The following COQ3 variants were observed in gnomAD, a reference collection of about 807,000 sequenced individuals.
The protein encoded by COQ3 is coenzyme Q3, methyltransferase.
COQ3 carries 29 observed loss-of-function variants against 33.1 expected under a neutral mutation model. The ratio of observed to expected loss-of-function variants is 0.88; its 90% CI spans 0.65 to 1.19. The LOEUF (loss-of-function observed/expected upper bound fraction) is 1.19. COQ3 is among the 50% of genes most tolerant of loss of function. COQ3 has a pLI of 0.00. For synonymous variants in COQ3, 173 were observed against 157.8 expected (o/e 1.10, Z -0.72); for missense variants, 437 against 430.7 (o/e 1.01, Z -0.13).
rs751253489 is a variant in COQ3 at position 99,377,367 on chromosome 6, C to T, written c.486+19G>A. ...ATTTTTTTCTCCCAGTTAAAAATGG[C>T]AGGAAAGCTGTCACTTACTTCAGTT... On this transcript the variant is annotated intron_variant, in intron 4 of 6. Coordinates refer to ENST00000254759, the MANE Select transcript of COQ3 (RefSeq NM_017421.4). 4.5e-6 allele frequency: 7 copies of T among 1,570,748 alleles called. No homozygotes were observed. The East Asian group carries it at 1.6e-4, about 35-fold the overall frequency.
chr6:99,381,044 C>T (rs1774459628), intron 2 of COQ3, among the ~76,000 whole-genome samples: 1 of 151,988 alleles, frequency 6.6e-6, no homozygotes, highest in Non-Finnish European at 1.5e-5. Context: ...TATTATTATC[C>T]CTATTTTACA....
At chr6:99,393,192 CTTT>C (rs779223957) in intron 1 of COQ3, among the ~76,000 whole-genome samples, 3 of 143,534 alleles carry the variant, frequency 2.1e-5, no homozygotes, top group Admixed American at 1.4e-4. Context: ...TGATTTGTAA[CTTT>C]TTTTTTTTTT....
chr6:99,374,122 C>CAAAA (rs146515261), intron 5 of COQ3, among the ~76,000 whole-genome samples: 1 of 86,440 alleles, frequency 1.2e-5, no homozygotes, highest in East Asian at 3.5e-4. Flanking sequence ...CTGACATTAG[C>CAAAA]AAAAAAAAAA....
chr6:99,381,921 G>T (rs1350202710), intron 2 of COQ3, among the ~76,000 whole-genome samples: 1 of 115,504 alleles, frequency 8.7e-6, no homozygotes, highest in Non-Finnish European at 1.7e-5. Context: ...GCAAGACTCT[G>T]TCTCAAAAAA....
chr6:99,371,613 G>C lies in COQ3; in HGVS notation c.730-26C>G, dbSNP rs770593900. The stretch of plus-strand genomic sequence containing the variant: ...CTAAAAGAAATGAAATTATATAGAA[G>C]TAAAATGTAAAAGACTAAGTGTATC... On this transcript the variant is annotated intron_variant, in intron 5 of 6. Coordinates refer to ENST00000254759, the MANE Select transcript of COQ3 (RefSeq NM_017421.4). The C allele has an allele frequency of 6.1e-6, 9 of 1,476,640 alleles. No homozygotes were observed. In the Admixed American group the frequency reaches 1.8e-4, roughly 29 times the overall value. The allele number at this position is 1,476,640 out of a possible 1,614,324, so 91.5% of individuals were successfully genotyped here. A position where few individuals can be genotyped will look rare whatever the true frequency, so the allele number is the denominator to read the frequency against.
In COQ3 at chr6:99,383,844, A is replaced by G; in HGVS notation, c.107-20T>C. ...CATAAACTGAAAAAAAAAATTAAAT[A>G]TCTAGAGAAAAGCTTTGCACAGTAA... On this transcript the variant is annotated intron_variant, in intron 1 of 6. Coordinates refer to ENST00000254759, the MANE Select transcript of COQ3 (RefSeq NM_017421.4). The G allele has an allele frequency of 6.5e-7, 1 of 1,549,434 alleles. No individual in the cohort carries two copies. The highest frequency in any genetic ancestry group is 1.4e-5 in the African/African-American group (1 of 71,520).
chr6:99,377,580 C>A lies in COQ3; in HGVS notation c.387-95G>T, dbSNP rs7741537. ...TAGTTTTCAAGGAAATATTAACCTCCATTTAAATAAATTATTCATTTTTTT... is the reference window on the plus strand; with the variant it reads ...TAGTTTTCAAGGAAATATTAACCTCAATTTAAATAAATTATTCATTTTTTT... On this transcript the variant is annotated intron_variant, in intron 3 of 6. Transcript: ENST00000254759. The A allele has an allele frequency of 7.6e-3, 5,033 of 663,652 alleles. 227 individuals carry two copies. The African/African-American group carries it at 0.09, about 12-fold the overall frequency. The allele number at this position is 663,652 out of a possible 1,614,324, so 41.1% of individuals were successfully genotyped here. A position where few individuals can be genotyped will look rare whatever the true frequency, so the allele number is the denominator to read the frequency against.
Position 99,373,730 on chromosome 6 carries a change from G to T in COQ3, c.730-2143C>A, listed in dbSNP as rs144339341. On this transcript the variant is annotated intron_variant, in intron 5 of 6. Coordinates refer to ENST00000254759, the MANE Select transcript of COQ3 (RefSeq NM_017421.4). ...ACAAGGGCTAGGCACAGTAGCTCAC[G>T]CCTGTAATCCTAGCACTTTGGGAGG... is the stretch of plus-strand genomic sequence containing the variant. Among the ~76,000 whole-genome samples, 707 of 152,242 alleles carry T rather than the reference G, an allele frequency of 4.6e-3. 9 individuals are homozygous for T. The highest frequency in any genetic ancestry group is 0.016 in the African/African-American group (663 of 41,540).
chr6:99,372,036 A>G (rs1340844203), intron 5 of COQ3, among the ~76,000 whole-genome samples: 1 of 152,220 alleles, frequency 6.6e-6, no homozygotes, highest in Non-Finnish European at 1.5e-5. Flanking sequence ...AAGTACTACC[A>G]ATAAGTGTTT....
At chr6:99,391,964 A>C (rs186188205) in intron 1 of COQ3, among the ~76,000 whole-genome samples, 228 of 152,140 alleles carry the variant, frequency 1.5e-3, no homozygotes, top group Admixed American at 2.7e-3. Flanking sequence ...ATGCCACTGC[A>C]CTCTAACCTG....
At chr6:99,379,539 G>A (rs184374846) in intron 3 of COQ3, among the ~76,000 whole-genome samples, 129 of 152,282 alleles carry the variant, frequency 8.5e-4, no homozygotes, top group Non-Finnish European at 1.4e-3. Flanking sequence ...AGTCAATGAT[G>A]CCACTGTAGG....
chr6:99,378,640 T>C (rs531012967), intron 3 of COQ3, among the ~76,000 whole-genome samples: 1 of 152,200 alleles, frequency 6.6e-6, no homozygotes, highest in East Asian at 1.9e-4. Flanking sequence ...TGAGACGTGA[T>C]AATTTGCATT....
intron 4 of COQ3, 94 bp downstream of exon 4, chr6:99,377,292 G>C: frequency 2.0e-6 from 2 of 1,023,074 alleles, no homozygotes; most frequent in Admixed American, 3.9e-5. Flanking sequence ...TTTTTTTAAT[G>C]AATAATATTA....
rs763042659 is a variant in COQ3 at position 99,394,155 on chromosome 6, A to C, written c.25T>G (p.Ser9Ala). The C allele has an allele frequency of 4.4e-6, 7 of 1,605,334 alleles. No homozygotes were observed. The highest frequency in any genetic ancestry group is 5.1e-6 in the Non-Finnish European group (6 of 1,175,874). The change falls in exon 1 of 7, where the codon TCC (serine) becomes GCC (alanine). Residue 9 changes from serine (S) to alanine (A), a missense_variant. By Grantham distance (99) the Ser-to-Ala change is moderately conservative (BLOSUM62 1). Transcript: ENST00000254759. MWSGRKLG[S>A]SGGWFLRVLG... Reference sequence around the variant, plus strand: ...ACTCTTAAAAACCAACCCCCGGAGGAGCCCAGCTTACGGCCACTCCACATC... The same window carrying C: ...ACTCTTAAAAACCAACCCCCGGAGGCGCCCAGCTTACGGCCACTCCACATC...
chr6:99,385,036 G>A (rs1304270524), intron 1 of COQ3, among the ~76,000 whole-genome samples: 2 of 152,250 alleles, frequency 1.3e-5, no homozygotes, highest in Admixed American at 6.5e-5. Context: ...ACTGGAACCC[G>A]GGAGGCAGAG....
intron 2 of COQ3, among the ~76,000 whole-genome samples, chr6:99,381,273 C>T (rs1340278711): frequency 6.6e-6 from 1 of 152,152 alleles, no homozygotes; most frequent in East Asian, 1.9e-4. Flanking sequence ...AGTGATTGTT[C>T]CAAAATACAA....
At chr6:99,377,507 A>G in intron 3 of COQ3, 22 bp from the exon 4 acceptor site, 1 of 1,517,056 alleles carries the variant, frequency 6.6e-7, no homozygotes, top group Non-Finnish European at 9.1e-7. Context: ...AATTCAAAAC[A>G]TACCAAAACA....
At chr6:99,377,271 AC>A (rs1205980109) in intron 4 of COQ3, 114 bp downstream of exon 4, 1 of 864,298 alleles carries the variant, frequency 1.2e-6, no homozygotes, top group African/African-American at 1.7e-5. Context: ...TGGCCTCCCA[AC>A]ATGCATTTCT....
intron 1 of COQ3, among the ~76,000 whole-genome samples, chr6:99,384,284 AAAAAT>A (rs1322362042): frequency 1.3e-5 from 2 of 152,310 alleles, no homozygotes; most frequent in Non-Finnish European, 2.9e-5. Context: ...ATTTTACCTA[AAAAAT>A]AAAATAAAAT....
Sources: gnomAD v4.1 joint callset for allele counts (sites outside exome capture counted in the v4.1 genomes callset) on GRCh38, gnomAD v4.1.1 for gene constraint, MANE v1.5 for transcripts, NCBI Gene and HGNC (gene_info 2026-07-23, HGNC 2026-07-21) for gene names.